The following MYO15B variants were observed in gnomAD, a reference collection of about 807,000 sequenced individuals.
MYO15B encodes myosin XVB pseudogene.
Under a neutral mutation model 119.3 loss-of-function variants are expected in MYO15B, and 207 were observed. The ratio of observed to expected loss-of-function variants is 1.73; its 90% CI spans 1.55 to 1.95. The LOEUF (loss-of-function observed/expected upper bound fraction) is 1.95. Among genes scored for constraint, MYO15B ranks in the 30% most tolerant of loss-of-function variants. MYO15B has a pLI of 0.00. For missense variants in MYO15B, 2,264 were observed against 1,203.1 expected (o/e 1.88, Z -13.04); for synonymous variants, 966 against 498.9 (o/e 1.94, Z -12.48).
At chr17:75,611,948 C>A in exon 25 of MYO15B, 1 of 703,036 alleles carries the variant, frequency 1.4e-6, no homozygotes, top group Non-Finnish European at 2.6e-6. Context: ...TCCTGCCCGG[C>A]CCAGCCTGAC....
At chr17:75,615,809 C>T in exon 36 of MYO15B, 1 of 702,628 alleles carries the variant, frequency 1.4e-6, no homozygotes, top group Non-Finnish European at 2.6e-6. Context: ...CAGCCGTCAC[C>T]TCCAAGCCCA....
Position 75,605,590 on chromosome 17 carries a change from AATCACCTCTCT to A in MYO15B, c.4111_4121del (p.Leu1371TrpfsTer97). On this transcript the variant is annotated frameshift_variant, in exon 20 of 64. Coordinates refer to ENST00000645453, the Ensembl canonical transcript of MYO15B. LOFTEE classifies it high-confidence loss of function. ...GTCCTGAGCCAGGTGCTGGGGGCCGAATCACCTCTCTATCACCTTGGAGCCACCAAGGTGGG... is the reference window on the plus strand; with the variant it reads ...GTCCTGAGCCAGGTGCTGGGGGCCGAATCACCTTGGAGCCACCAAGGTGGG... The A allele has an allele frequency of 2.8e-6, 2 of 702,908 alleles. No homozygotes were observed. The highest frequency in any genetic ancestry group is 5.2e-6 in the Non-Finnish European group (2 of 384,990). 43.5% of individuals were successfully genotyped at this position (702,908 alleles called of 1,614,324 possible).
At chr17:75,612,979 G>A in exon 27 of MYO15B, 1 of 689,950 alleles carries the variant, frequency 1.4e-6, no homozygotes. Flanking sequence ...GGCAGATGCT[G>A]CGGCTCCTGG....
At chr17:75,593,392 G>C (rs1178524747) in intron 9 of MYO15B, among the ~76,000 whole-genome samples, 1 of 152,066 alleles carries the variant, frequency 6.6e-6, no homozygotes, top group African/African-American at 2.4e-5. Context: ...GAAGTCAGGA[G>C]TTTGAGACCA....
intron 56 of MYO15B, 41 bp downstream of exon 56, chr17:75,624,310 G>A (rs1383613317): frequency 1.4e-6 from 1 of 702,938 alleles, no homozygotes; most frequent in Non-Finnish European, 2.6e-6. Flanking sequence ...ACACCCTGGG[G>A]TGGGGAGTGT....
At chr17:75,593,534 C>T (rs113672424) in intron 9 of MYO15B, among the ~76,000 whole-genome samples, 8,127 of 151,128 alleles carry the variant, frequency 0.054, 721 homozygotes, top group African/African-American at 0.18. Context: ...TGCTTGAACC[C>T]GGGAGGTGGA....
At chr17:75,599,206 CTG>C (rs1568136280) in intron 14 of MYO15B, among the ~76,000 whole-genome samples, 1 of 151,800 alleles carries the variant, frequency 6.6e-6, no homozygotes, top group African/African-American at 2.4e-5. Flanking sequence ...CCTTGAGTTA[CTG>C]TGTGTGTTTG....
chr17:75,611,103 C>T, intron 23 of MYO15B, 144 bp downstream of exon 23: 1 of 649,696 alleles, frequency 1.5e-6, no homozygotes. Context: ...GACCGGGGTG[C>T]TCTTGGCTCT....
At chr17:75,608,822 C>T (rs901602756) in intron 21 of MYO15B, among the ~76,000 whole-genome samples, 1 of 152,076 alleles carries the variant, frequency 6.6e-6, no homozygotes, top group African/African-American at 2.4e-5. Context: ...CAACCTCCGC[C>T]TCCTGGGTTC....
intron 14 of MYO15B, among the ~76,000 whole-genome samples, chr17:75,599,376 G>A (rs861882): frequency 0.026 from 3,878 of 151,992 alleles, 60 homozygotes; most frequent in Middle Eastern, 0.044. Flanking sequence ...GCGGGTTGAC[G>A]CCATTCTACT....
At chr17:75,615,781 C>T (rs1302306753) in exon 36 of MYO15B, 5 of 702,202 alleles carry the variant, frequency 7.1e-6, no homozygotes, top group East Asian at 2.7e-5. Context: ...TCCGAGGCTG[C>T]GTCCCAGGCC....
At chr17:75,603,962 G>A (rs904484331) in intron 19 of MYO15B, among the ~76,000 whole-genome samples, 1 of 152,168 alleles carries the variant, frequency 6.6e-6, no homozygotes, top group East Asian at 1.9e-4. Flanking sequence ...GCTGAGCTGG[G>A]CTGGTGGCTG....
At position 75,615,601 on chromosome 17, in the gene MYO15B, G is replaced by A. The variant is rs1176318317; in HGVS notation, c.5838+1G>A. The A allele has an allele frequency of 2.9e-6, 2 of 696,546 alleles. No individual in the cohort carries two copies. Among genetic ancestry groups the A allele is most frequent in the Non-Finnish European group, 5.2e-6 (2 of 381,528 alleles). The allele number at this position is 696,546 out of a possible 1,614,324, so 43.1% of individuals were successfully genotyped here. A position where few individuals can be genotyped will look rare whatever the true frequency, so the allele number is the denominator to read the frequency against. On this transcript the variant is annotated splice_donor_variant, in intron 35 of 63. Coordinates refer to ENST00000645453, the Ensembl canonical transcript of MYO15B. LOFTEE classifies it high-confidence loss of function. Reference sequence around the variant, plus strand: ...TATCCAGCAGCAGGCGCTAATCCTGGTGAGCGCTGGCAGGGCCCTGGGGCC... The same window carrying A: ...TATCCAGCAGCAGGCGCTAATCCTGATGAGCGCTGGCAGGGCCCTGGGGCC...
In MYO15B at chr17:75,624,356, A is replaced by C. The variant is rs905866316; in HGVS notation, c.8368-14A>C. On this transcript the variant is annotated splice_polypyrimidine_tract_variant and intron_variant, in intron 56 of 63. Coordinates refer to ENST00000645453, the Ensembl canonical transcript of MYO15B. ...AGACCACTGGCCGACTGACCCTGCA[A>C]CCTGCCTTGGCAGAAAGGACAAGCG... 1.4e-6 allele frequency: 1 copy of C among 702,650 alleles called. No individual in the cohort carries two copies. Among genetic ancestry groups the C allele is most frequent in the South Asian group, 1.5e-5 (1 of 67,290 alleles). The allele number at this position is 702,650 out of a possible 1,614,324, so 43.5% of individuals were successfully genotyped here. A position where few individuals can be genotyped will look rare whatever the true frequency, so the allele number is the denominator to read the frequency against.
chr17:75,588,049 G>A, exon 1 of MYO15B: 3 of 398,510 alleles, frequency 7.5e-6, no homozygotes, highest in Non-Finnish European at 8.9e-6. Flanking sequence ...CGTCTCCTTT[G>A]GGCCAGCCAT....
At chr17:75,621,105 C>T (rs1299343746) in exon 50 of MYO15B, 2 of 702,776 alleles carry the variant, frequency 2.8e-6, no homozygotes, top group Non-Finnish European at 5.2e-6. Flanking sequence ...TGGCCTATGC[C>T]TTTCTGCCCG....
intron 14 of MYO15B, among the ~76,000 whole-genome samples, chr17:75,598,157 G>A (rs943399993): frequency 4.0e-5 from 6 of 151,012 alleles, no homozygotes; most frequent in African/African-American, 7.3e-5. Context: ...GGTGAGCCAG[G>A]CATGGGAGGC....
chr17:75,601,717 C>A (rs1040077162), intron 15 of MYO15B, among the ~76,000 whole-genome samples, 154 bp downstream of exon 15: 3 of 152,250 alleles, frequency 2.0e-5, no homozygotes, highest in Non-Finnish European at 4.4e-5. Flanking sequence ...CTGCCCAGTT[C>A]TGAGCACGGT....
chr17:75,594,423 AGT>A (rs1285362804), intron 9 of MYO15B, 50 bp from the exon 10 acceptor site: 1 of 576,308 alleles, frequency 1.7e-6, no homozygotes, highest in Non-Finnish European at 3.1e-6. Flanking sequence ...CTGCCTGGGG[AGT>A]GTGTCCATTC....
Sources: allele counts gnomAD v4.1 joint callset (sites outside exome capture counted in the v4.1 genomes callset), GRCh38; gene constraint gnomAD v4.1.1; transcripts MANE v1.5; gene names NCBI Gene and HGNC (gene_info 2026-07-23, HGNC 2026-07-21).